DAAM1: variants seen among roughly 807,000 people sequenced by gnomAD.
DAAM1 encodes the protein disheveled-associated activator of morphogenesis 1.
In DAAM1, 52 loss-of-function variants were observed where a neutral mutation model predicts 130.0. The observed-to-expected ratio is 0.40, with a 90% CI of 0.32 to 0.50. DAAM1 has a LOEUF of 0.50. DAAM1 is among the 20% of genes least tolerant of loss of function. The probability of loss-of-function intolerance (pLI) is 0.61; values close to 1 mark genes in which losing one functional copy is unlikely to be tolerated. For synonymous variants in DAAM1, 452 were observed against 444.5 expected (o/e 1.02, Z -0.21); for missense variants, 1,134 against 1,303.8 (o/e 0.87, Z 2.01).
chr14:59,230,034 G>T (rs1889053818), intron 1 of DAAM1, among the ~76,000 whole-genome samples: 1 of 152,072 alleles, frequency 6.6e-6, no homozygotes, highest in Non-Finnish European at 1.5e-5. Flanking sequence ...TAAATTTAAG[G>T]CCCACTATTA....
chr14:59,214,675 A>G (rs1203322660), intron 1 of DAAM1, among the ~76,000 whole-genome samples: 2 of 152,192 alleles, frequency 1.3e-5, no homozygotes, highest in Non-Finnish European at 2.9e-5. Context: ...CATGGCATGT[A>G]TTGGTACTTC....
At chr14:59,204,724 A>T (rs527931289) in intron 1 of DAAM1, among the ~76,000 whole-genome samples, 2 of 152,238 alleles carry the variant, frequency 1.3e-5, no homozygotes, top group African/African-American at 4.8e-5. Flanking sequence ...AAATGAAAAC[A>T]CAACATCCAA....
chr14:59,238,965 G>A (rs1443480975), intron 1 of DAAM1, among the ~76,000 whole-genome samples: 1 of 152,026 alleles, frequency 6.6e-6, no homozygotes, highest in Non-Finnish European at 1.5e-5. Flanking sequence ...GCAGAATATC[G>A]AAAAAAGGAC....
chr14:59,271,429 C>G (rs528582958), intron 2 of DAAM1, among the ~76,000 whole-genome samples: 3 of 151,996 alleles, frequency 2.0e-5, no homozygotes, highest in African/African-American at 7.2e-5. Context: ...TGAGGACATT[C>G]GCAGGATTAG....
At chr14:59,344,336 A>T (rs1885979909) in intron 16 of DAAM1, among the ~76,000 whole-genome samples, 1 of 152,230 alleles carries the variant, frequency 6.6e-6, no homozygotes, top group African/African-American at 2.4e-5. Flanking sequence ...ATACTTGAGT[A>T]GAGCAACCTG....
intron 2 of DAAM1, among the ~76,000 whole-genome samples, chr14:59,273,287 G>A (rs967875694): frequency 2.0e-5 from 3 of 151,850 alleles, no homozygotes; most frequent in African/African-American, 7.3e-5. Flanking sequence ...TGTTAAATTT[G>A]GACTTCAACT....
chr14:59,342,794 G>A (rs2139653005), intron 16 of DAAM1, among the ~76,000 whole-genome samples: 1 of 152,296 alleles, frequency 6.6e-6, no homozygotes, highest in South Asian at 2.1e-4. Flanking sequence ...CACCAGCAGG[G>A]CTTATTGTAG....
intron 3 of DAAM1, among the ~76,000 whole-genome samples, chr14:59,311,962 G>A (rs762140265): frequency 7.2e-5 from 11 of 152,186 alleles, no homozygotes; most frequent in Non-Finnish European, 1.5e-4. Flanking sequence ...GCCTCCCAAA[G>A]TGCCGGGATT....
chr14:59,351,650 C>T (rs1340527875), intron 17 of DAAM1, among the ~76,000 whole-genome samples: 1 of 152,076 alleles, frequency 6.6e-6, no homozygotes, highest in Non-Finnish European at 1.5e-5. Context: ...TTTCTGAGGT[C>T]CCTCAGTTAA....
At chr14:59,205,971 C>G (rs1317998614) in intron 1 of DAAM1, among the ~76,000 whole-genome samples, 3 of 152,046 alleles carry the variant, frequency 2.0e-5, no homozygotes, top group African/African-American at 7.3e-5. Flanking sequence ...TCAGGTGATC[C>G]TCCCACCTCA....
chr14:59,205,405 T>A (rs1888228348), intron 1 of DAAM1, among the ~76,000 whole-genome samples: 1 of 152,210 alleles, frequency 6.6e-6, no homozygotes, highest in Non-Finnish European at 1.5e-5. Flanking sequence ...TTACAGAAAA[T>A]AGATAACATT....
rs758257530 is a variant in DAAM1, at chr14:59,331,800, T to C, written c.1861-13T>C. 3.7e-6 allele frequency: 6 copies of C among 1,609,220 alleles called. No individual in the cohort carries two copies. The African/African-American group carries it at 5.4e-5, about 14-fold the overall frequency. Reference sequence around the variant, plus strand: ...ACTGTAAACTATAGCACTTATTACATTGATGTTTCTAGAACAAACTGGAAG... The same window carrying C: ...ACTGTAAACTATAGCACTTATTACACTGATGTTTCTAGAACAAACTGGAAG... On this transcript the variant is annotated splice_polypyrimidine_tract_variant and intron_variant, in intron 14 of 24. Transcript: ENST00000360909.
chr14:59,259,037 T>A (rs897951302), intron 1 of DAAM1, among the ~76,000 whole-genome samples: 2 of 152,236 alleles, frequency 1.3e-5, no homozygotes, highest in Non-Finnish European at 2.9e-5. Flanking sequence ...TGCTCTGGAC[T>A]GATTTTTAGA....
At chr14:59,291,515 A>C (rs989447776) in intron 3 of DAAM1, 34 of 515,082 alleles carry the variant, frequency 6.6e-5, no homozygotes, top group Non-Finnish European at 2.4e-5. Context: ...TCCACCTGTA[A>C]CCATCATTCA....
At chr14:59,214,241 C>T (rs973106934) in intron 1 of DAAM1, among the ~76,000 whole-genome samples, 2 of 152,180 alleles carry the variant, frequency 1.3e-5, no homozygotes, top group African/African-American at 4.8e-5. Context: ...TGAGAAACCT[C>T]TTTGTCTTTC....
chr14:59,228,691 T>C (rs1391940840), intron 1 of DAAM1, among the ~76,000 whole-genome samples: 4 of 152,208 alleles, frequency 2.6e-5, no homozygotes, highest in African/African-American at 9.7e-5. Flanking sequence ...CTTTTTCTTA[T>C]TCTCCACTCA....
At chr14:59,272,404 C>T (rs537803327) in intron 2 of DAAM1, among the ~76,000 whole-genome samples, 32 of 152,128 alleles carry the variant, frequency 2.1e-4, no homozygotes, top group Admixed American at 6.6e-4. Flanking sequence ...CATGGTGAAA[C>T]CCCATCTTTA....
intron 1 of DAAM1, among the ~76,000 whole-genome samples, chr14:59,258,022 C>G (rs1217064909): frequency 6.6e-6 from 1 of 152,208 alleles, no homozygotes; most frequent in African/African-American, 2.4e-5. Context: ...TTCCTTCCAT[C>G]CCCTATAACA....
intron 3 of DAAM1, among the ~76,000 whole-genome samples, chr14:59,304,284 A>C (rs1280585612): frequency 6.6e-6 from 1 of 152,248 alleles, no homozygotes. Context: ...TTTTTTCACT[A>C]ATAGCTCCAG....
Sources: gnomAD v4.1 joint callset for allele counts (sites outside exome capture counted in the v4.1 genomes callset) on GRCh38, gnomAD v4.1.1 for gene constraint, MANE v1.5 for transcripts, NCBI Gene and HGNC (gene_info 2026-07-23, HGNC 2026-07-21) for gene names.